The following MXD1 variants were observed in gnomAD, a reference collection of about 807,000 sequenced individuals.
MXD1 encodes MAX dimerization protein 1, also known as MAX-binding protein.
A neutral mutation model predicts 25.7 loss-of-function variants in MXD1; 9 were observed. That is an observed-to-expected ratio of 0.35 (90% confidence interval 0.21 to 0.61). MXD1 has a LOEUF of 0.61. MXD1 is among the 20% of genes least tolerant of loss of function. MXD1 has a pLI of 0.75. For missense variants in MXD1, 227 were observed against 292.4 expected (o/e 0.78, Z 1.63); for synonymous variants, 99 against 113.9 (o/e 0.87, Z 0.83).
chr2:69,929,244 C>T (rs1677229105), intron 3 of MXD1, among the ~76,000 whole-genome samples: 1 of 152,194 alleles, frequency 6.6e-6, no homozygotes, highest in East Asian at 1.9e-4. Flanking sequence ...ACAGTGCTTC[C>T]TTCAAACACA....
In MXD1 at chr2:69,916,161, C is replaced by T. The variant is rs1676959182; in HGVS notation, c.114C>T (p.Asn38=). Reference sequence around the variant, plus strand: ...ATGCCTCCATGTTACCATACAATAACAAGGACAGAGATGCCTTAAAACGGA... The same window carrying T: ...ATGCCTCCATGTTACCATACAATAATAAGGACAGAGATGCCTTAAAACGGA... ...HGYASMLPYN[N]KDRDALKRRN... is the part of the protein sequence containing the mutation. The change falls in exon 2 of 6, where the codon AAC becomes AAT. Residue 38 remains asparagine (N), a synonymous_variant. Transcript: ENST00000264444. 1.2e-6 allele frequency: 2 copies of T among 1,613,374 alleles called. No individual in the cohort carries two copies. Among genetic ancestry groups the T allele is most frequent in the Non-Finnish European group, 1.7e-6 (2 of 1,179,436 alleles).
chr2:69,916,703 G>A (rs574174222), intron 2 of MXD1, among the ~76,000 whole-genome samples: 7 of 152,296 alleles, frequency 4.6e-5, no homozygotes, highest in African/African-American at 1.7e-4. Context: ...ACAGTGGTTT[G>A]TTTGATACTC....
At chr2:69,937,101 G>A in intron 4 of MXD1, 134 bp from the exon 5 acceptor site, 1 of 1,160,528 alleles carries the variant, frequency 8.6e-7, no homozygotes, top group South Asian at 1.2e-5. Flanking sequence ...GTCTCAGGGA[G>A]AAGCTTGATG....
intron 4 of MXD1, among the ~76,000 whole-genome samples, chr2:69,936,254 C>G (rs1396193491): frequency 6.6e-6 from 1 of 152,136 alleles, no homozygotes; most frequent in East Asian, 1.9e-4. Context: ...CTGGGTATCT[C>G]TTAGCCCTGT....
intron 3 of MXD1, among the ~76,000 whole-genome samples, chr2:69,925,264 G>A (rs1220736282): frequency 1.3e-5 from 2 of 152,024 alleles, no homozygotes; most frequent in Non-Finnish European, 2.9e-5. Flanking sequence ...GTGTGTGTGT[G>A]TGTGGTTTTT....
chr2:69,933,353 A>G (rs1677345535), intron 3 of MXD1, among the ~76,000 whole-genome samples: 1 of 152,080 alleles, frequency 6.6e-6, no homozygotes, highest in Admixed American at 6.5e-5. Context: ...GAAGAATATT[A>G]TCCAAGATGA....
At chr2:69,935,137 A>C (rs761766506) in intron 3 of MXD1, among the ~76,000 whole-genome samples, 2 of 152,228 alleles carry the variant, frequency 1.3e-5, no homozygotes, top group African/African-American at 4.8e-5. Context: ...TTGTATTATC[A>C]ATAGACTTAG....
intron 3 of MXD1, among the ~76,000 whole-genome samples, chr2:69,928,715 A>AG (rs905089453): frequency 1.3e-5 from 2 of 151,958 alleles, no homozygotes; most frequent in Admixed American, 6.6e-5. Context: ...AAAAAAAAAA[A>AG]AAAACCTGTA....
intron 3 of MXD1, among the ~76,000 whole-genome samples, chr2:69,933,299 T>A (rs1450986510): frequency 6.6e-6 from 1 of 152,030 alleles, no homozygotes; most frequent in African/African-American, 2.4e-5. Flanking sequence ...TTATACTTTC[T>A]CATAGTGTTT....
At position 69,940,578 on chromosome 2, in the gene MXD1, G is replaced by T. The variant is rs1320893579; in HGVS notation, c.*2294G>T. 6.6e-6 allele frequency: 1 copy of T among 152,578 alleles called. No individual in the cohort carries two copies. The highest frequency in any genetic ancestry group is 2.4e-5 in the African/African-American group (1 of 41,422). 9.5% of individuals were successfully genotyped at this position (152,578 alleles called of 1,614,324 possible). ...AATTGTTGTGCCTTTGAGTTAAACT[G>T]CATTTTTGTCTTTTGGTTGAAATCT... On this transcript the variant is annotated 3_prime_UTR_variant, in exon 6 of 6. Transcript: ENST00000264444.
chr2:69,932,099 G>T (rs1410518309), intron 3 of MXD1, among the ~76,000 whole-genome samples: 1 of 152,152 alleles, frequency 6.6e-6, no homozygotes, highest in African/African-American at 2.4e-5. Context: ...CAGGGCACAG[G>T]AGTAGTCAGA....
chr2:69,936,353 T>C (rs1223605945), intron 4 of MXD1, among the ~76,000 whole-genome samples: 1 of 152,074 alleles, frequency 6.6e-6, no homozygotes, highest in African/African-American at 2.4e-5. Flanking sequence ...GACTGGGTCT[T>C]TGTGCTCACC....
intron 2 of MXD1, among the ~76,000 whole-genome samples, chr2:69,921,263 G>T (rs1028921320): frequency 1.3e-5 from 2 of 152,154 alleles, no homozygotes; most frequent in Non-Finnish European, 2.9e-5. Flanking sequence ...GTTTGGGGAA[G>T]GGGGTTATTT....
intron 3 of MXD1, among the ~76,000 whole-genome samples, chr2:69,930,766 A>G (rs1677263923): frequency 6.6e-6 from 1 of 152,194 alleles, no homozygotes; most frequent in Non-Finnish European, 1.5e-5. Context: ...GTGTTTGCTC[A>G]CAGCAATTCT....
intron 4 of MXD1, chr2:69,936,898 G>A (rs1361195607): frequency 2.1e-6 from 1 of 481,268 alleles, no homozygotes; most frequent in African/African-American, 2.0e-5. Flanking sequence ...GGTGTTCAGG[G>A]GATTGCTGCA....
At chr2:69,928,147 T>A (rs763018019) in intron 3 of MXD1, among the ~76,000 whole-genome samples, 3 of 152,234 alleles carry the variant, frequency 2.0e-5, no homozygotes, top group Non-Finnish European at 4.4e-5. Context: ...ATTATACAGC[T>A]CATACATACC....
rs1263360688 is a variant in MXD1 at position 69,938,843 on chromosome 2, C to T, written c.*559C>T. 1 of 153,134 alleles carries T rather than the reference C, an allele frequency of 6.5e-6. No individual in the cohort carries two copies. Among genetic ancestry groups the T allele is most frequent in the African/African-American group, 2.4e-5 (1 of 41,446 alleles). 9.5% of individuals were successfully genotyped at this position (153,134 alleles called of 1,614,324 possible). ...ACACGCCCTTCACACCGCGCATGCT[C>T]ATTCCCCCGACGCGCCGCGTGTGGA... On this transcript the variant is annotated 3_prime_UTR_variant, in exon 6 of 6. Transcript: ENST00000264444.
chr2:69,921,745 C>T lies in MXD1; in HGVS notation c.183C>T (p.His61=). 2 of 1,610,590 alleles carry T rather than the reference C, an allele frequency of 1.2e-6. No homozygotes were observed. Among genetic ancestry groups the T allele is most frequent in the Non-Finnish European group, 1.7e-6 (2 of 1,178,272 alleles). The change falls in exon 3 of 6, where the codon CAC becomes CAT. Residue 61 remains histidine, a synonymous_variant. Coordinates refer to ENST00000264444, the MANE Select transcript of MXD1 (RefSeq NM_002357.4). ...TTGTTCCCTCTTTCAGATCAACTCA[C>T]AATGAAATGGAGAAGAATAGGTGAG... ...KKNNSSSRST[H]NEMEKNRRAH... is the part of the protein sequence containing the mutation.
Position 69,938,119 on chromosome 2 carries a change from G to A in MXD1, c.501G>A (p.Glu167=). 1 of 1,614,224 alleles carries A rather than the reference G, an allele frequency of 6.2e-7. No individual in the cohort carries two copies. The highest frequency in any genetic ancestry group is 8.5e-7 in the Non-Finnish European group (1 of 1,180,032). Residue 167 remains glutamate (E), a synonymous_variant, in exon 6 of 6, where the codon GAG becomes GAA. Coordinates refer to ENST00000264444, the MANE Select transcript of MXD1 (RefSeq NM_002357.4). ...CAGAAGAAATCGACGTTGACGTGGAGAGCACGGACTATCTCACAGGTGATC... is the reference window on the plus strand; with the variant it reads ...CAGAAGAAATCGACGTTGACGTGGAAAGCACGGACTATCTCACAGGTGATC... The part of the protein sequence containing the change: ...SDREEIDVDV[E]STDYLTGDLD...
Sources: gnomAD v4.1 joint callset for allele counts (sites outside exome capture counted in the v4.1 genomes callset) on GRCh38, gnomAD v4.1.1 for gene constraint, MANE v1.5 for transcripts, NCBI Gene and HGNC (gene_info 2026-07-23, HGNC 2026-07-21) for gene names.